The following TCF21 variants were observed in gnomAD, a reference collection of about 807,000 sequenced individuals.
The protein encoded by TCF21 is transcription factor 21.
Under a neutral mutation model 13.5 loss-of-function variants are expected in TCF21, and 3 were observed. The observed-to-expected ratio is 0.22, with a 90% CI of 0.10 to 0.57. TCF21 has a LOEUF of 0.57. TCF21 is among the 20% of genes least tolerant of loss of function. The probability of loss-of-function intolerance (pLI) is 0.92; values close to 1 mark genes in which losing one functional copy is unlikely to be tolerated. For synonymous variants in TCF21, 92 were observed against 101.7 expected, an observed-to-expected ratio of 0.90 and a Z score of 0.57; for missense variants, 181 against 238.4, an observed-to-expected ratio of 0.76 and a Z score of 1.59.
intron 1 of TCF21, among the ~76,000 whole-genome samples, chr6:133,891,419 G>A (rs1241229027): frequency 2.0e-5 from 3 of 152,188 alleles, no homozygotes; most frequent in African/African-American, 7.2e-5. Flanking sequence ...CGGCTTGCCC[G>A]GGGCTTCCTG....
At position 133,889,952 on chromosome 6, in the gene TCF21, G is replaced by A. The variant is rs566778056; in HGVS notation, c.450+105G>A. On this transcript the variant is annotated intron_variant, in intron 1 of 1. Transcript: ENST00000367882. This position sits in a 1 kb window ranked among gnomAD's most constrained non-coding sequence, Gnocchi z 5.1. ...TGGGAGTGGGGGTGTGGGCGCGGCG[G>A]TGACTTACACATCTCGACCACCGCG... The A allele has an allele frequency of 2.7e-5, 36 of 1,337,226 alleles. No homozygotes were observed. The highest frequency in any genetic ancestry group is 3.5e-5 in the Non-Finnish European group (33 of 942,372). The allele number at this position is 1,337,226 out of a possible 1,614,324, so 82.8% of individuals were successfully genotyped here. A position where few individuals can be genotyped will look rare whatever the true frequency, so the allele number is the denominator to read the frequency against.
chr6:133,889,238 C>A lies in TCF21; in HGVS notation c.-160C>A. On this transcript the variant is annotated 5_prime_UTR_variant, in exon 1 of 2. Coordinates refer to ENST00000367882, the MANE Select transcript of TCF21 (RefSeq NM_003206.4). This position sits in a 1 kb window ranked among gnomAD's most constrained non-coding sequence, Gnocchi z 5.1. ...CTGCGAAGGGGAAAGGGTTGTGAGA[C>A]CCAACCAGACCCCAACTCCAGCTCC... 1.1e-6 allele frequency: 1 copy of A among 900,170 alleles called. No individual in the cohort carries two copies. Among genetic ancestry groups the A allele is most frequent in the Admixed American group, 2.0e-5 (1 of 50,562 alleles). 55.8% of individuals were successfully genotyped at this position (900,170 alleles called of 1,614,324 possible). A position where few individuals can be genotyped will look rare whatever the true frequency, so the allele number is the denominator to read the frequency against.
At chr6:133,894,864 G>T (rs1419390891), downstream of TCF21, 1 of 152,190 alleles carries the variant, frequency 6.6e-6, no homozygotes, top group African/African-American at 2.4e-5. Flanking sequence ...TATCTTAGAA[G>T]GTGCTTTTAG....
Position 133,889,798 on chromosome 6 carries a change from T to C in TCF21, c.401T>C (p.Ile134Thr). The C allele has an allele frequency of 6.2e-7, 1 of 1,613,150 alleles. No homozygotes were observed. The highest frequency in any genetic ancestry group is 8.5e-7 in the Non-Finnish European group (1 of 1,179,934). ...ASSYIAHLRQ[I>T]LANDKYENGY... ...AGCTACATCGCCCACTTGAGGCAGATCCTGGCTAACGACAAATACGAGAAC... is the reference window on the plus strand; with the variant it reads ...AGCTACATCGCCCACTTGAGGCAGACCCTGGCTAACGACAAATACGAGAAC... Residue 134 changes from isoleucine to threonine, a missense_variant, in exon 1 of 2, where the codon ATC becomes ACC. Around this residue, in one of 3 missense-constraint regions of TCF21, gnomAD observed 35 missense variants for 80.4 expected, o/e 0.44. Coordinates refer to ENST00000367882, the MANE Select transcript of TCF21 (RefSeq NM_003206.4). The surrounding 1 kb of genome is among the most constrained non-coding windows in gnomAD (Gnocchi z 5.1).
rs3068172 is a variant in TCF21, at chr6:133,889,359, G to GTC, written c.-22_-21dup. ...TCTTCCTCGCTTTCTCTGTCTCTCT[G>GTC]TCTCTCTCTCTCTCTCTCCCTCGTC... On this transcript the variant is annotated 5_prime_UTR_variant, in exon 1 of 2. Coordinates refer to ENST00000367882, the MANE Select transcript of TCF21 (RefSeq NM_003206.4). This position sits in a 1 kb window ranked among gnomAD's most constrained non-coding sequence, Gnocchi z 5.1. 23,300 of 1,480,688 alleles carry GTC rather than the reference G, an allele frequency of 0.016. 1,571 individuals are homozygous for GTC. In the African/African-American group the frequency reaches 0.24, roughly 15 times the overall value. 91.7% of individuals were successfully genotyped at this position (1,480,688 alleles called of 1,614,324 possible). A position where few individuals can be genotyped will look rare whatever the true frequency, so the allele number is the denominator to read the frequency against.
chr6:133,891,840 G>A lies in TCF21; in HGVS notation c.*38G>A, dbSNP rs201898286. On this transcript the variant is annotated 3_prime_UTR_variant, in exon 2 of 2. Transcript: ENST00000367882. ...GAGTCTGGGAAAGGCGCGCTCCCGG[G>A]GGGAGCGGGCCCCGGGAAGGCGACC... 4.2e-5 allele frequency: 68 copies of A among 1,608,852 alleles called. No individual in the cohort carries two copies. In the East Asian group the frequency reaches 1.0e-3, roughly 24 times the overall value.
chr6:133,889,561 G>A lies in TCF21; in HGVS notation c.164G>A (p.Gly55Asp), dbSNP rs1204889801. Residue 55 changes from glycine (G) to aspartate (D), a missense_variant, in exon 1 of 2, where the codon GGC becomes GAC. Physicochemically the swap from Gly to Asp is moderately conservative, Grantham distance 94. Coordinates refer to ENST00000367882, the MANE Select transcript of TCF21 (RefSeq NM_003206.4). The surrounding 1 kb of genome is among the most constrained non-coding windows in gnomAD (Gnocchi z 5.1). ...GGGTCTCCCCAGAAGGGCCGCGGCG[G>A]CCTGGGCAAGAGGAGGAAGGCGCCC... is the stretch of plus-strand genomic sequence containing the variant. ...ENGSPQKGRG[G>D]LGKRRKAPTK... 6.2e-7 allele frequency: 1 copy of A among 1,613,944 alleles called. No individual in the cohort carries two copies. Among genetic ancestry groups the A allele is most frequent in the Admixed American group, 1.7e-5 (1 of 60,020 alleles).
rs1371318563 is a variant in TCF21, at chr6:133,889,319, GTC to G, written c.-70_-69del. 1.9e-6 allele frequency: 3 copies of G among 1,573,832 alleles called. No homozygotes were observed. In the African/African-American group the frequency reaches 4.0e-5, roughly 21 times the overall value. ...GGCCTCTTGGTTTCAGGGTCTCTCTGTCTCTCTCTCACCCTCTTCCTCGCTTT... is the reference window on the plus strand; with the variant it reads ...GGCCTCTTGGTTTCAGGGTCTCTCTGTCTCTCTCACCCTCTTCCTCGCTTT... On this transcript the variant is annotated 5_prime_UTR_variant, in exon 1 of 2. Transcript: ENST00000367882. The surrounding 1 kb of genome is among the most constrained non-coding windows in gnomAD (Gnocchi z 5.1).
rs74899812 is a variant in TCF21, at chr6:133,889,491, G to T, written c.94G>T (p.Val32Leu). ...GAAAATGGATTCGAACAAGGAATTT[G>T]TGACTTCCAACGAGAGCACCGAGGA... ...GLKMDSNKEF[V>L]TSNESTEESS... The change falls in exon 1 of 2, where the codon GTG becomes TTG. Residue 32 changes from valine to leucine, a missense_variant. Val to Leu is a conservative substitution (Grantham distance 32). Transcript: ENST00000367882. The surrounding 1 kb of genome is among the most constrained non-coding windows in gnomAD (Gnocchi z 5.1). 3 of 1,614,150 alleles carry T rather than the reference G, an allele frequency of 1.9e-6. No homozygotes were observed. In the African/African-American group the frequency reaches 4.0e-5, roughly 22 times the overall value.
At chr6:133,892,961 C>T (rs976148153), downstream of TCF21, 3 of 152,236 alleles carry the variant, frequency 2.0e-5, no homozygotes, top group African/African-American at 7.2e-5. Context: ...GACCCGGCTC[C>T]CTCACTGCCC....
In TCF21 at chr6:133,889,710, A is replaced by T. The variant is rs1305334451; in HGVS notation, c.313A>T (p.Thr105Ser). 7 of 1,613,570 alleles carry T rather than the reference A, an allele frequency of 4.3e-6. No homozygotes were observed. Among genetic ancestry groups the T allele is most frequent in the Non-Finnish European group, 5.1e-6 (6 of 1,179,944 alleles). The change falls in exon 1 of 2, where the codon ACC becomes TCC. Residue 105 changes from threonine to serine, a missense_variant. Thr to Ser is a moderately conservative substitution (Grantham distance 58). This residue lies in a region of TCF21 where 35 missense variants were observed against 80.4 expected (regional missense o/e 0.44). Coordinates refer to ENST00000367882, the MANE Select transcript of TCF21 (RefSeq NM_003206.4). This position sits in a 1 kb window ranked among gnomAD's most constrained non-coding sequence, Gnocchi z 5.1. Reference sequence around the variant, plus strand: ...CAAGGCCTTCTCCAGACTCAAGACCACCCTGCCCTGGGTGCCCCCCGACAC... The same window carrying T: ...CAAGGCCTTCTCCAGACTCAAGACCTCCCTGCCCTGGGTGCCCCCCGACAC... ...LSKAFSRLKT[T>S]LPWVPPDTKL...
At position 133,891,947 on chromosome 6, in the gene TCF21, G is replaced by C; in HGVS notation, c.*145G>C. ...CCACCCCGCGAGAACACTTTACAAC[G>C]ACGAGGAGATTCGTTTCCAAACCAG... On this transcript the variant is annotated 3_prime_UTR_variant, in exon 2 of 2. Transcript: ENST00000367882. 1.3e-6 allele frequency: 1 copy of C among 762,368 alleles called. No homozygotes were observed. The allele number at this position is 762,368 out of a possible 1,614,324, so 47.2% of individuals were successfully genotyped here.
In TCF21 at chr6:133,892,065, A is replaced by C. The variant is rs539101653; in HGVS notation, c.*263A>C. On this transcript the variant is annotated 3_prime_UTR_variant, in exon 2 of 2. Transcript: ENST00000367882. ...CTGCAAGCCTTGCTGGTCCAAGTGCAATATGTAATTATAAATATATAAATA... is the reference window on the plus strand; with the variant it reads ...CTGCAAGCCTTGCTGGTCCAAGTGCCATATGTAATTATAAATATATAAATA... The C allele has an allele frequency of 2.5e-6, 1 of 399,410 alleles. No individual in the cohort carries two copies. The highest frequency in any genetic ancestry group is 4.6e-6 in the Non-Finnish European group (1 of 218,118). The allele number at this position is 399,410 out of a possible 1,614,324, so 24.7% of individuals were successfully genotyped here. A position where few individuals can be genotyped will look rare whatever the true frequency, so the allele number is the denominator to read the frequency against.
Position 133,891,929 on chromosome 6 carries a change from GC to G in TCF21, c.*128del. 2.2e-6 allele frequency: 2 copies of G among 917,876 alleles called. No homozygotes were observed. Among genetic ancestry groups the G allele is most frequent in the South Asian group, 3.1e-5 (2 of 63,588 alleles). 56.9% of individuals were successfully genotyped at this position (917,876 alleles called of 1,614,324 possible). On this transcript the variant is annotated 3_prime_UTR_variant, in exon 2 of 2. Transcript: ENST00000367882. ...AATGCTCCTCTCTCTGTCCCACCCC[GC>G]GAGAACACTTTACAACGACGAGGAG...
chr6:133,891,922 C>A lies in TCF21; in HGVS notation c.*120C>A. The A allele has an allele frequency of 3.0e-6, 3 of 1,010,466 alleles. No individual in the cohort carries two copies. Among genetic ancestry groups the A allele is most frequent in the Non-Finnish European group, 4.4e-6 (3 of 684,354 alleles). 62.6% of individuals were successfully genotyped at this position (1,010,466 alleles called of 1,614,324 possible). ...CCCTCGCAATGCTCCTCTCTCTGTC[C>A]CACCCCGCGAGAACACTTTACAACG... is the stretch of plus-strand genomic sequence containing the variant. On this transcript the variant is annotated 3_prime_UTR_variant, in exon 2 of 2. Transcript: ENST00000367882.
chr6:133,889,438 A>T lies in TCF21; in HGVS notation c.41A>T (p.Glu14Val), dbSNP rs770702769. 59 of 1,613,884 alleles carry T rather than the reference A, an allele frequency of 3.7e-5. No individual in the cohort carries two copies. Among genetic ancestry groups the T allele is most frequent in the Non-Finnish European group, 4.7e-5 (56 of 1,180,012 alleles). ...CTCAGCGATGTGGAGGACCTTCAAG[A>T]GGTGGAGATGTTGGAATGTGACGGG... ...GSLSDVEDLQEVEMLECDGLK... is the reference protein window; with the variant it reads ...GSLSDVEDLQVVEMLECDGLK... The change falls in exon 1 of 2, where the codon GAG becomes GTG. Residue 14 changes from glutamate (E) to valine (V), a missense_variant. By Grantham distance (121) the Glu-to-Val change is moderately radical. This residue lies in a region of TCF21 where 91 missense variants were observed against 98.5 expected (regional missense o/e 0.92). Transcript: ENST00000367882. The surrounding 1 kb of genome is among the most constrained non-coding windows in gnomAD (Gnocchi z 5.1).
Position 133,891,706 on chromosome 6 carries a change from C to T in TCF21, c.451-7C>T, listed in dbSNP as rs563615939. The T allele has an allele frequency of 6.8e-7, 1 of 1,479,826 alleles. No individual in the cohort carries two copies. The highest frequency in any genetic ancestry group is 1.4e-5 in the African/African-American group (1 of 69,930). 91.7% of individuals were successfully genotyped at this position (1,479,826 alleles called of 1,614,324 possible). A position where few individuals can be genotyped will look rare whatever the true frequency, so the allele number is the denominator to read the frequency against. On this transcript the variant is annotated splice_polypyrimidine_tract_variant and splice_region_variant and intron_variant, in intron 1 of 1. Transcript: ENST00000367882. The stretch of plus-strand genomic sequence containing the variant: ...ACTTACCTCCTCCACCCTCTTCTTT[C>T]CCGCAGACGTGGCCCTTTATGGTGG...
downstream of TCF21, chr6:133,892,578 C>G (rs1449770046): frequency 6.6e-6 from 1 of 152,168 alleles, no homozygotes; most frequent in Non-Finnish European, 1.5e-5. Context: ...TCATGGATTC[C>G]ACCGTATGAC....
chr6:133,889,207 A>T lies in TCF21; in HGVS notation c.-191A>T. ...GCAGAAGTCCTCGGGGTTCCTTCTC[A>T]CAACTCTGCGAAGGGGAAAGGGTTG... On this transcript the variant is annotated 5_prime_UTR_variant, in exon 1 of 2. Transcript: ENST00000367882. The surrounding 1 kb of genome is among the most constrained non-coding windows in gnomAD (Gnocchi z 5.1). The T allele has an allele frequency of 1.5e-6, 1 of 666,716 alleles. No homozygotes were observed. The highest frequency in any genetic ancestry group is 2.6e-6 in the Non-Finnish European group (1 of 387,422). 41.3% of individuals were successfully genotyped at this position (666,716 alleles called of 1,614,324 possible).
Sources: allele counts gnomAD v4.1 joint callset (sites outside exome capture counted in the v4.1 genomes callset), GRCh38; gene constraint gnomAD v4.1.1; regional missense constraint gnomAD v4.1.1; non-coding constraint Gnocchi (gnomAD v3.1); transcripts MANE v1.5; gene names NCBI Gene and HGNC (gene_info 2026-07-23, HGNC 2026-07-21).